Variants in BRF1 observed in about 807,000 individuals in gnomAD.
BRF1 encodes the protein transcription factor IIIB 90 kDa subunit.
BRF1 carries 59 observed loss-of-function variants against 81.7 expected under a neutral mutation model. The ratio of observed to expected loss-of-function variants is 0.72; its 90% CI spans 0.59 to 0.90. The LOEUF (loss-of-function observed/expected upper bound fraction) is 0.90. BRF1 is among the 40% of genes least tolerant of loss of function. The pLI, the probability that BRF1 is intolerant of heterozygous loss-of-function variation, is 0.00. For missense variants in BRF1, 1,050 were observed against 936.3 expected (o/e 1.12, Z -1.58); for synonymous variants, 491 against 395.6 (o/e 1.24, Z -2.86).
chr14:105,289,454 G>C lies in BRF1; in HGVS notation c.185-3078C>G, dbSNP rs1003686819. Among the ~76,000 whole-genome samples the C allele has an allele frequency of 2.2e-4, 34 of 152,344 alleles. 1 individual carries two copies. The highest frequency in any genetic ancestry group is 1.9e-3 in the East Asian group (10 of 5,186). On this transcript the variant is annotated intron_variant, in intron 1 of 17. Coordinates refer to ENST00000547530, the MANE Select transcript of BRF1 (RefSeq NM_001519.4). ...AGGTGCCTGCTGATATGAGAATCCA[G>C]AAGAGAGGCCAGGGAGAAACGCAGG...
At chr14:105,273,978 G>A (rs1052637713) in intron 2 of BRF1, among the ~76,000 whole-genome samples, 3 of 152,228 alleles carry the variant, frequency 2.0e-5, no homozygotes, top group African/African-American at 7.2e-5. Flanking sequence ...TCTCCTGCCT[G>A]CCCCTGGGAA....
At chr14:105,256,036 G>A in intron 4 of BRF1, 1 of 593,884 alleles carries the variant, frequency 1.7e-6, no homozygotes, top group Non-Finnish European at 2.5e-6. Flanking sequence ...GAGGTGGGAG[G>A]ATTGCTTGAG....
intron 1 of BRF1, 99 bp downstream of exon 1, chr14:105,300,347 G>A (rs1016926628): frequency 1.0e-5 from 13 of 1,279,684 alleles, no homozygotes; most frequent in Middle Eastern, 2.8e-4. Flanking sequence ...CCGACAGAGC[G>A]TGCGGTACCG....
At chr14:105,246,318 A>G (rs2055103486) in intron 5 of BRF1, among the ~76,000 whole-genome samples, 1 of 152,158 alleles carries the variant, frequency 6.6e-6, no homozygotes, top group South Asian at 2.1e-4. Context: ...ATTATTTATC[A>G]GGGACATGCA....
chr14:105,215,455 T>A lies in BRF1; in HGVS notation c.1772+2089A>T, dbSNP rs370500584. ...GTCACAGATACAGGCACACACTGTG[T>A]GCAGACACCAGAACACATGCACACA... On this transcript the variant is annotated intron_variant, in intron 15 of 17. Transcript: ENST00000547530. Among the ~76,000 whole-genome samples the A allele has an allele frequency of 9.6e-3, 1,453 of 150,978 alleles. 50 individuals are homozygous for A. The highest frequency in any genetic ancestry group is 0.065 in the Admixed American group (987 of 15,210).
chr14:105,246,138 T>G (rs2055083848), intron 5 of BRF1, among the ~76,000 whole-genome samples: 1 of 151,920 alleles, frequency 6.6e-6, no homozygotes, highest in South Asian at 2.1e-4. Context: ...GGCACAAGAA[T>G]CGCTTGAACC....
chr14:105,248,830 C>T (rs2055350255), intron 5 of BRF1: 6 of 988,596 alleles, frequency 6.1e-6, no homozygotes, highest in Non-Finnish European at 7.2e-6. Context: ...GGCGCGGCGT[C>T]CACAGGCGCC....
In BRF1 at chr14:105,249,796, G is replaced by C. The variant is rs1342648715; in HGVS notation, c.544+2711C>G. 4 of 1,613,724 alleles carry C rather than the reference G, an allele frequency of 2.5e-6. No individual in the cohort carries two copies. The African/African-American group carries it at 5.3e-5, about 22-fold the overall frequency. On this transcript the variant is annotated intron_variant, in intron 5 of 17. Transcript: ENST00000547530. Reference sequence around the variant, plus strand: ...AGAACGCCTGCGTCCTGCTGTCCCAGAGCCGGCTGTTTGAGGAGCCCGAGC... The same window carrying C: ...AGAACGCCTGCGTCCTGCTGTCCCACAGCCGGCTGTTTGAGGAGCCCGAGC...
chr14:105,247,225 C>T (rs149924979), intron 5 of BRF1: 34 of 985,428 alleles, frequency 3.5e-5, no homozygotes, highest in African/African-American at 2.4e-4. Context: ...CGGAACTTTC[C>T]GGACTCTCAT....
At chr14:105,314,809 C>A in intron 1 of BRF1, 1 of 292,338 alleles carries the variant, frequency 3.4e-6, no homozygotes, top group Non-Finnish European at 5.0e-6. Context: ...CCTCCGCCGC[C>A]CGGCAGCCAT....
intron 13 of BRF1, 28 bp downstream of exon 13, chr14:105,219,121 TGC>T: frequency 1.2e-6 from 2 of 1,613,090 alleles, no homozygotes; most frequent in Non-Finnish European, 1.7e-6. Context: ...CTGTGCGTCC[TGC>T]GTGTGAGTGT....
chr14:105,241,485 C>G lies in BRF1; in HGVS notation c.545-71G>C. 5.7e-6 allele frequency: 9 copies of G among 1,585,380 alleles called. No individual in the cohort carries two copies. The South Asian group carries it at 1.0e-4, about 18-fold the overall frequency. Reference sequence around the variant, plus strand: ...CACGTGCACAGGCGGCCCACGCAGCCCAGGGGTGGGGCAACCTGCACTTGT... The same window carrying G: ...CACGTGCACAGGCGGCCCACGCAGCGCAGGGGTGGGGCAACCTGCACTTGT... On this transcript the variant is annotated intron_variant, in intron 5 of 17. Transcript: ENST00000547530.
rs587608272 is a variant in BRF1, at chr14:105,272,225, G to A, written c.439+496C>T. 1.3e-3 allele frequency among the ~76,000 whole-genome samples: 183 copies of A among 145,022 alleles called. 6 individuals are homozygous for A. Among genetic ancestry groups the A allele is most frequent in the African/African-American group, 4.4e-3 (169 of 38,144 alleles). On this transcript the variant is annotated intron_variant, in intron 3 of 17. Transcript: ENST00000547530. ...CTCCCCACCCACGGCCTGCAGTCACGGTATCCACGCACAAGGCCGAGCTGC... is the reference window on the plus strand; with the variant it reads ...CTCCCCACCCACGGCCTGCAGTCACAGTATCCACGCACAAGGCCGAGCTGC...
At position 105,279,916 on chromosome 14, in the gene BRF1, G is replaced by T. The variant is rs1419670626; in HGVS notation, c.265+6380C>A. ...GCTCCAAAACAGCACGTTCTAGAAC[G>T]GCTCCAGCCCAGACACTGGCAAGCC... is the stretch of plus-strand genomic sequence containing the variant. On this transcript the variant is annotated intron_variant, in intron 2 of 17. Coordinates refer to ENST00000547530, the MANE Select transcript of BRF1 (RefSeq NM_001519.4). Among the ~76,000 whole-genome samples the T allele has an allele frequency of 2.0e-5, 3 of 152,324 alleles. No homozygotes were observed. In the South Asian group the frequency reaches 6.2e-4, roughly 32 times the overall value.
At chr14:105,280,734 C>T (rs964065179) in intron 2 of BRF1, among the ~76,000 whole-genome samples, 21 of 151,458 alleles carry the variant, frequency 1.4e-4, no homozygotes, top group African/African-American at 4.1e-4. Context: ...ATACAGCCCG[C>T]GTGACCCTGA....
chr14:105,245,593 G>C (rs587742500), intron 5 of BRF1, among the ~76,000 whole-genome samples: 1 of 152,122 alleles, frequency 6.6e-6, no homozygotes, highest in South Asian at 2.1e-4. Context: ...GACAGGACAG[G>C]ACAGGACAGC....
chr14:105,272,150 C>G (rs1278462567), intron 3 of BRF1, among the ~76,000 whole-genome samples: 1 of 128,358 alleles, frequency 7.8e-6, no homozygotes, highest in Non-Finnish European at 1.7e-5. Context: ...CGCCTGCGGT[C>G]ACGGTGTCCA....
At chr14:105,251,807 G>T (rs1480934615) in intron 5 of BRF1, among the ~76,000 whole-genome samples, 2 of 152,064 alleles carry the variant, frequency 1.3e-5, no homozygotes, top group Non-Finnish European at 2.9e-5. Context: ...CGGGCAGTGA[G>T]TGCTGTTTTG....
At chr14:105,221,580 A>G (rs1384871934) in intron 11 of BRF1, 68 bp downstream of exon 11, 6 of 1,556,678 alleles carry the variant, frequency 3.9e-6, no homozygotes, top group South Asian at 1.2e-5. Context: ...GGCTCTCCCC[A>G]TGAGAGGCAC....
Sources: gnomAD v4.1 joint callset for allele counts (sites outside exome capture counted in the v4.1 genomes callset) on GRCh38, gnomAD v4.1.1 for gene constraint, MANE v1.5 for transcripts, NCBI Gene and HGNC (gene_info 2026-07-23, HGNC 2026-07-21) for gene names.